The following TRPM5 variants were observed in gnomAD, a reference collection of about 807,000 sequenced individuals.
TRPM5 encodes the protein transient receptor potential cation channel subfamily M member 5.
Under a neutral mutation model 124.9 loss-of-function variants are expected in TRPM5, and 121 were observed. The observed-to-expected ratio is 0.97, with a 90% CI of 0.84 to 1.13. TRPM5 has a LOEUF of 1.13. TRPM5 is among the 50% of genes most tolerant of loss of function. TRPM5 has a pLI of 0.00. For missense variants in TRPM5, 1,643 were observed against 1,589.1 expected (o/e 1.03, Z -0.58); for synonymous variants, 781 against 700.5 (o/e 1.11, Z -1.81).
At chr11:2,422,772 G>T in intron 1 of TRPM5, 148 bp downstream of exon 6, 1 of 709,900 alleles carries the variant, frequency 1.4e-6, no homozygotes, top group Non-Finnish European at 2.5e-6. Context: ...CTGGAACTCT[G>T]CCTGTCTGGG....
chr11:2,414,154 C>T, exon 12 of TRPM5: 1 of 1,609,398 alleles, frequency 6.2e-7, no homozygotes, highest in Non-Finnish European at 8.5e-7. Context: ...TCCGGCGCAC[C>T]AGCAGGGCGA....
At position 2,407,794 on chromosome 11, in the gene TRPM5, A is replaced by AT; in HGVS notation, c.2900dup (p.Asn967LysfsTer67). On this transcript the variant is annotated frameshift_variant, in exon 19 of 24. Coordinates refer to ENST00000155858, the Ensembl canonical transcript of TRPM5. LOFTEE classifies it high-confidence loss of function. ...CGATGAGCAGGTTCATGAGCAGCACATTGGTGACCAACAGGAAGGTGACCA... is the reference window on the plus strand; with the variant it reads ...CGATGAGCAGGTTCATGAGCAGCACATTTGGTGACCAACAGGAAGGTGACCA... 6.2e-7 allele frequency: 1 copy of AT among 1,613,896 alleles called. No homozygotes were observed. The highest frequency in any genetic ancestry group is 8.5e-7 in the Non-Finnish European group (1 of 1,179,998).
Position 2,421,064 on chromosome 11 carries a change from C to T in TRPM5, c.433G>A (p.Val145Ile), listed in dbSNP as rs372159065. 1.8e-4 allele frequency: 272 copies of T among 1,548,548 alleles called. No individual in the cohort carries two copies. The highest frequency in any genetic ancestry group is 2.3e-4 in the Non-Finnish European group (266 of 1,149,108). The change falls in exon 3 of 24, where the codon GTC (valine) becomes ATC (isoleucine). Residue 145 changes from valine to isoleucine, a missense_variant. Transcript: ENST00000155858. The stretch of plus-strand genomic sequence containing the variant: ...TCCTCCAGAATGCGGCGGTGCAGGA[C>T]GCGGCCCAGCGAGGCCATGCCGACA...
intron 18 of TRPM5, among the ~76,000 whole-genome samples, chr11:2,409,382 T>G (rs528432068): frequency 1.3e-5 from 2 of 152,068 alleles, no homozygotes; most frequent in African/African-American, 4.8e-5. Context: ...CTCTGAGGAA[T>G]GAGACCCCCA....
the TRPM5 span, among the ~76,000 whole-genome samples, chr11:2,443,833 C>G: frequency 5.1e-4 from 75 of 148,044 alleles, no homozygotes; most frequent in African/African-American, 1.9e-3. This position sits in a 1 kb window ranked among gnomAD's most constrained non-coding sequence, Gnocchi z 5.0. Flanking sequence ...ACCCCCCCCC[C>G]AAGCCTGAGA....
At chr11:2,415,039 G>T (rs1565011020) in exon 10 of TRPM5, 2 of 1,601,534 alleles carry the variant, frequency 1.2e-6, no homozygotes, top group East Asian at 4.5e-5. Context: ...GCTTGGCCGG[G>T]CCCTTCTCCT....
intron 3 of TRPM5, 114 bp downstream of exon 8, chr11:2,420,918 G>A (rs1467266579): frequency 1.6e-6 from 2 of 1,228,398 alleles, no homozygotes; most frequent in Non-Finnish European, 2.2e-6. Flanking sequence ...CCCGCTCCCT[G>A]CTCTTCCTCC....
chr11:2,412,843 C>T (rs1850479373), exon 15 of TRPM5: 1 of 1,602,616 alleles, frequency 6.2e-7, no homozygotes, highest in Non-Finnish European at 8.5e-7. Context: ...GGCCTGAAGT[C>T]CACCAGCAGG....
the TRPM5 span, among the ~76,000 whole-genome samples, chr11:2,442,376 T>TACACACACAC: frequency 5.7e-5 from 8 of 141,142 alleles, no homozygotes; most frequent in African/African-American, 1.3e-4. The surrounding 1 kb of genome is among the most constrained non-coding windows in gnomAD (Gnocchi z 5.9). Flanking sequence ...CATTCTTTGA[T>TACACACACAC]ACACACACAC....
At chr11:2,442,531 T>C in the TRPM5 span, among the ~76,000 whole-genome samples, 1 of 152,230 alleles carries the variant, frequency 6.6e-6, no homozygotes, top group African/African-American at 2.4e-5. The surrounding 1 kb of genome is among the most constrained non-coding windows in gnomAD (Gnocchi z 5.9). Flanking sequence ...ATTGTGATTG[T>C]CTCTAGACTT....
At chr11:2,421,165 C>T in exon 3 of TRPM5, 1 of 1,541,494 alleles carries the variant, frequency 6.5e-7, no homozygotes, top group Non-Finnish European at 8.7e-7. Flanking sequence ...CCTGGCCAGG[C>T]CCACGCGGAG....
the TRPM5 span, among the ~76,000 whole-genome samples, chr11:2,433,466 G>C: frequency 6.6e-6 from 1 of 152,244 alleles, no homozygotes; most frequent in South Asian, 2.1e-4. Flanking sequence ...GCTGGGGTAG[G>C]GGGCTCCATG....
chr11:2,413,230 C>T lies in TRPM5; in HGVS notation c.2004-4G>A, dbSNP rs1026708333. On this transcript the variant is annotated splice_region_variant and splice_polypyrimidine_tract_variant and intron_variant, in intron 13 of 23. Transcript: ENST00000155858. The stretch of plus-strand genomic sequence containing the variant: ...TGTCCTCAGGGGAGCTTCCTCACTG[C>T]GAGCACAGGAGAGCTCAGGGCCCGC... The T allele has an allele frequency of 1.8e-5, 28 of 1,544,784 alleles. No homozygotes were observed. Among genetic ancestry groups the T allele is most frequent in the Non-Finnish European group, 2.3e-5 (26 of 1,145,294 alleles).
intron 7 of TRPM5, 77 bp from the exon 13 acceptor site, chr11:2,416,101 G>A (rs553824475): frequency 1.2e-5 from 13 of 1,102,752 alleles, no homozygotes; most frequent in Non-Finnish European, 1.6e-5. Context: ...GTCCCCAAAG[G>A]TGCGCTGCCT....
intron 17 of TRPM5, 45 bp downstream of exon 22, chr11:2,411,590 A>G (rs2651822): frequency 0.82 from 1,317,641 of 1,610,582 alleles, 541,613 homozygotes; most frequent in African/African-American, 0.97. Context: ...CAGGCAGGGG[A>G]TTGCTGTCCC....
rs560092426 is a variant in TRPM5, at chr11:2,404,727, C to T, written c.*210G>A. ...TTGTGCCTGTCAGGGGAGACAGCCC[C>T]ATGACACTGCTGTGCCTCCGGGGAG... On this transcript the variant is annotated 3_prime_UTR_variant, in exon 24 of 24. Coordinates refer to ENST00000155858, the Ensembl canonical transcript of TRPM5. 265 of 558,236 alleles carry T rather than the reference C, an allele frequency of 4.7e-4. 1 individual carries two copies. The highest frequency in any genetic ancestry group is 8.9e-4 in the Admixed American group (27 of 30,186). The allele number at this position is 558,236 out of a possible 1,614,324, so 34.6% of individuals were successfully genotyped here. A position where few individuals can be genotyped will look rare whatever the true frequency, so the allele number is the denominator to read the frequency against.
At chr11:2,407,120 C>T (rs372056110) in exon 20 of TRPM5, 14 of 1,587,744 alleles carry the variant, frequency 8.8e-6, no homozygotes, top group Non-Finnish European at 9.4e-6. Context: ...CGGCCTCACC[C>T]AGGTGCTCCC....
chr11:2,411,880 G>A (rs1472717459), intron 16 of TRPM5, 113 bp from the exon 22 acceptor site: 5 of 1,346,610 alleles, frequency 3.7e-6, no homozygotes, highest in Admixed American at 4.5e-5. Flanking sequence ...AGGACTCCTT[G>A]GGCCCTGAGT....
exon 5 of TRPM5, chr11:2,418,586 C>T (rs778811274): frequency 1.1e-5 from 18 of 1,610,980 alleles, no homozygotes; most frequent in Non-Finnish European, 1.4e-5. Context: ...TCGATGCTGC[C>T]AGTGCCTGTG....
Sources: gnomAD v4.1 joint callset for allele counts (sites outside exome capture counted in the v4.1 genomes callset) on GRCh38, gnomAD v4.1.1 for gene constraint, Gnocchi (gnomAD v3.1) non-coding constraint, MANE v1.5 for transcripts, NCBI Gene and HGNC (gene_info 2026-07-23, HGNC 2026-07-21) for gene names.